The following OXSR1 variants were observed in gnomAD, a reference collection of about 807,000 sequenced individuals.
OXSR1 encodes oxidative stress responsive kinase 1.
OXSR1 carries 24 observed loss-of-function variants against 79.8 expected under a neutral mutation model. That is an observed-to-expected ratio of 0.30 (90% CI 0.22 to 0.42). The LOEUF is 0.42. Among genes scored for constraint, OXSR1 ranks in the 10% least tolerant of loss-of-function variants. The probability of loss-of-function intolerance (pLI) is 1.00; values close to 1 mark genes in which losing one functional copy is unlikely to be tolerated. For synonymous variants in OXSR1, 226 were observed against 209.2 expected, an observed-to-expected ratio of 1.08 and a Z score of -0.69; for missense variants, 430 against 618.4, an observed-to-expected ratio of 0.70 and a Z score of 3.23.
chr3:38,203,205 C>G (rs1468529351), intron 4 of OXSR1, among the ~76,000 whole-genome samples: 1 of 152,238 alleles, frequency 6.6e-6, no homozygotes, highest in Admixed American at 6.5e-5. Context: ...TACTGTCTCT[C>G]TCTGCTTCGG....
chr3:38,182,946 A>G, intron 1 of OXSR1, 57 bp from the exon 2 acceptor site: 1 of 911,258 alleles, frequency 1.1e-6, no homozygotes, highest in Admixed American at 2.0e-5. Flanking sequence ...GGAATTAGAA[A>G]TGTCATGTTT....
At chr3:38,234,557 C>T (rs1702880452) in intron 10 of OXSR1, among the ~76,000 whole-genome samples, 1 of 152,210 alleles carries the variant, frequency 6.6e-6, no homozygotes, top group African/African-American at 2.4e-5. Flanking sequence ...CCACTTCACA[C>T]CCACTAGGAT....
intron 1 of OXSR1, among the ~76,000 whole-genome samples, chr3:38,167,618 G>T (rs1289536065): frequency 1.3e-5 from 2 of 152,040 alleles, no homozygotes; most frequent in African/African-American, 4.8e-5. Context: ...ATATTGGTTC[G>T]TATAGGAAAA....
Position 38,205,485 on chromosome 3 carries a change from G to C in OXSR1, c.434+6622G>C, listed in dbSNP as rs191501893. Among the ~76,000 whole-genome samples the C allele has an allele frequency of 1.9e-3, 289 of 152,282 alleles. 3 individuals are homozygous for C. The highest frequency in any genetic ancestry group is 6.7e-3 in the African/African-American group (277 of 41,568). On this transcript the variant is annotated intron_variant, in intron 4 of 17. Transcript: ENST00000311806. The stretch of plus-strand genomic sequence containing the variant: ...TCCTATGCTCATGTGCACATCCTCA[G>C]GGTTGGCCAGGAGTGTGTGAATAGC...
At chr3:38,186,203 T>C (rs1701883498) in intron 2 of OXSR1, among the ~76,000 whole-genome samples, 1 of 151,994 alleles carries the variant, frequency 6.6e-6, no homozygotes, top group South Asian at 2.1e-4. Context: ...ATAGGAAATA[T>C]TGATTAGCTA....
intron 3 of OXSR1, among the ~76,000 whole-genome samples, chr3:38,197,410 C>T (rs1702089293): frequency 6.6e-6 from 1 of 152,190 alleles, no homozygotes; most frequent in African/African-American, 2.4e-5. Context: ...TCACTTCTTC[C>T]TCACTTGGTG....
intron 4 of OXSR1, among the ~76,000 whole-genome samples, chr3:38,202,106 C>T (rs151130885): frequency 8.5e-4 from 130 of 152,118 alleles, no homozygotes; most frequent in Non-Finnish European, 1.5e-3. Context: ...ATAGTTATCT[C>T]GAAAGATAGG....
chr3:38,186,612 A>G (rs943680284), intron 2 of OXSR1, among the ~76,000 whole-genome samples: 1 of 152,190 alleles, frequency 6.6e-6, no homozygotes, highest in African/African-American at 2.4e-5. Context: ...TCCAAAGTTC[A>G]TCCATATTGT....
intron 4 of OXSR1, among the ~76,000 whole-genome samples, chr3:38,206,661 G>C (rs1024584164): frequency 6.6e-6 from 1 of 152,116 alleles, no homozygotes; most frequent in African/African-American, 2.4e-5. Context: ...TGAAAAAATA[G>C]ATATATGGAT....
intron 4 of OXSR1, among the ~76,000 whole-genome samples, chr3:38,215,343 C>A (rs1015808199): frequency 6.6e-6 from 1 of 152,068 alleles, no homozygotes; most frequent in Non-Finnish European, 1.5e-5. Flanking sequence ...CTTGTACTTT[C>A]CCTGTAAATT....
chr3:38,167,891 G>A (rs1182481085), intron 1 of OXSR1, among the ~76,000 whole-genome samples: 1 of 143,944 alleles, frequency 6.9e-6, no homozygotes, highest in Non-Finnish European at 1.5e-5. Flanking sequence ...TAAAAGAAGA[G>A]TTTTTTTTTT....
intron 4 of OXSR1, among the ~76,000 whole-genome samples, chr3:38,202,034 A>G (rs1411072506): frequency 1.3e-5 from 2 of 152,214 alleles, no homozygotes; most frequent in African/African-American, 4.8e-5. Context: ...CTGATGGAAA[A>G]TCAAGACAGG....
chr3:38,238,120 T>G (rs62242682), intron 11 of OXSR1, among the ~76,000 whole-genome samples: 1 of 152,154 alleles, frequency 6.6e-6, no homozygotes, highest in East Asian at 1.9e-4. Context: ...TCTTATAACC[T>G]AATACATTGG....
intron 6 of OXSR1, among the ~76,000 whole-genome samples, chr3:38,222,708 TA>T (rs1207227718): frequency 6.6e-6 from 1 of 152,186 alleles, no homozygotes; most frequent in African/African-American, 2.4e-5. Flanking sequence ...ATATTCACTC[TA>T]AAAAGTTTAA....
chr3:38,251,453 G>A lies in OXSR1; in HGVS notation c.1426G>A (p.Gly476Arg), dbSNP rs766592272. The A allele has an allele frequency of 4.6e-5, 75 of 1,612,996 alleles. No homozygotes were observed. The highest frequency in any genetic ancestry group is 6.2e-5 in the Non-Finnish European group (73 of 1,179,182). ...QELISAGLVD[G>R]RDLVIVAANL... ...ACTCATTTCTGCTGGCCTGGTCGAC[G>A]GAAGGGATTTAGTAATAGGTAACTC... Residue 476 changes from glycine to arginine, a missense_variant, in exon 16 of 18, where the codon GGA becomes AGA. By Grantham distance (125) the Gly-to-Arg change is moderately radical. Transcript: ENST00000311806.
rs780931470 is a variant in OXSR1 at position 38,231,035 on chromosome 3, G to C, written c.951+605G>C. Among the ~76,000 whole-genome samples, 60 of 152,160 alleles carry C rather than the reference G, an allele frequency of 3.9e-4. 1 individual carries two copies. Among genetic ancestry groups the C allele is most frequent in the Non-Finnish European group, 3.8e-4 (26 of 68,030 alleles). ...AAAGGAGGCAGTTTGGGCTTCTGCT[G>C]ATGATAGACTTGAAGAAGGTAAAGG... On this transcript the variant is annotated intron_variant, in intron 10 of 17. Transcript: ENST00000311806.
intron 4 of OXSR1, among the ~76,000 whole-genome samples, chr3:38,202,051 G>A (rs1018548065): frequency 6.6e-6 from 1 of 152,172 alleles, no homozygotes; most frequent in African/African-American, 2.4e-5. Flanking sequence ...CAGGTCAGTG[G>A]ATTAGTGATC....
chr3:38,178,093 T>A (rs993659506), intron 1 of OXSR1, among the ~76,000 whole-genome samples: 13 of 151,828 alleles, frequency 8.6e-5, no homozygotes, highest in African/African-American at 2.9e-4. Context: ...GGATTACAGA[T>A]GTGTGCGACG....
intron 4 of OXSR1, among the ~76,000 whole-genome samples, chr3:38,210,496 A>C (rs1020749223): frequency 7.2e-5 from 11 of 151,874 alleles, no homozygotes; most frequent in Non-Finnish European, 1.3e-4. Context: ...TCCTGTCTAT[A>C]CCCCGAGAAT....
Sources: gnomAD v4.1 joint callset for allele counts (sites outside exome capture counted in the v4.1 genomes callset) on GRCh38, gnomAD v4.1.1 for gene constraint, MANE v1.5 for transcripts, NCBI Gene and HGNC (gene_info 2026-07-23, HGNC 2026-07-21) for gene names.